The following OR8J1 variants were observed in gnomAD, a reference collection of about 807,000 sequenced individuals.
OR8J1 encodes olfactory receptor family 8 subfamily J member 1, also known as olfactory receptor 8J1.
For missense variants in OR8J1, 400 were observed against 373.0 expected (o/e 1.07, Z -0.60); for synonymous variants, 157 against 144.3 (o/e 1.09, Z -0.63).
At chr11:56,358,919 C>T (rs1008860832) in intron 1 of OR8J1, among the ~76,000 whole-genome samples, 3 of 152,152 alleles carry the variant, frequency 2.0e-5, no homozygotes, top group East Asian at 1.9e-4. Context: ...AAACTGAGAT[C>T]GGATATTAAC....
chr11:56,360,829 C>G lies in OR8J1; in HGVS notation c.583C>G (p.Pro195Ala), dbSNP rs140049854. The change falls in exon 2 of 2, where the codon CCA (proline) becomes GCA (alanine). Residue 195 changes from proline (P) to alanine (A), a missense_variant. By Grantham distance (27) the Pro-to-Ala change is conservative. Coordinates refer to ENST00000533152, the MANE Select transcript of OR8J1 (RefSeq NM_001005205.3). ...LALSCSDTYL[P>A]ETVVFISAAT... Reference sequence around the variant, plus strand: ...ATTATCTTGCTCTGATACTTACTTACCAGAAACAGTTGTCTTTATATCTGC... The same window carrying G: ...ATTATCTTGCTCTGATACTTACTTAGCAGAAACAGTTGTCTTTATATCTGC... The G allele has an allele frequency of 1.5e-4, 235 of 1,529,028 alleles. 1 individual carries two copies. The South Asian group carries it at 1.8e-3, about 12-fold the overall frequency. The allele number at this position is 1,529,028 out of a possible 1,614,324, so 94.7% of individuals were successfully genotyped here.
At chr11:56,357,823 C>A in intron 1 of OR8J1, 1 of 1,033,946 alleles carries the variant, frequency 9.7e-7, no homozygotes, top group South Asian at 1.3e-5. Flanking sequence ...AAGGAAGCTG[C>A]GGTTGGAGGC....
chr11:56,355,844 C>T (rs1026012919), intron 1 of OR8J1, among the ~76,000 whole-genome samples: 1 of 152,106 alleles, frequency 6.6e-6, no homozygotes, highest in African/African-American at 2.4e-5. Flanking sequence ...TGATGCTACC[C>T]TCATTTCTGG....
In OR8J1 at chr11:56,360,265, A is replaced by G; in HGVS notation, c.19A>G (p.Thr7Ala). 1 of 1,569,116 alleles carries G rather than the reference A, an allele frequency of 6.4e-7. No individual in the cohort carries two copies. Among genetic ancestry groups the G allele is most frequent in the Non-Finnish European group, 8.6e-7 (1 of 1,162,320 alleles). MAPENF[T>A]RVTEFILTGV... ...CTCTGACATGGCTCCTGAAAATTTC[A>G]CCAGAGTCACTGAGTTTATTCTTAC... Residue 7 changes from threonine to alanine, a missense_variant, in exon 2 of 2, where the codon ACC becomes GCC. Coordinates refer to ENST00000533152, the MANE Select transcript of OR8J1 (RefSeq NM_001005205.3).
chr11:56,360,221 A>G lies in OR8J1; in HGVS notation c.-20-6A>G, dbSNP rs957051240. ...AAGTTTTTAACCTCTCTTTTCCCCC[A>G]AACAGATGAATTTCCAAACTCTGAC... On this transcript the variant is annotated splice_region_variant and splice_polypyrimidine_tract_variant and intron_variant, in intron 1 of 1. Transcript: ENST00000533152. 6.5e-7 allele frequency: 1 copy of G among 1,532,792 alleles called. No individual in the cohort carries two copies. Among genetic ancestry groups the G allele is most frequent in the Non-Finnish European group, 8.8e-7 (1 of 1,140,762 alleles). The allele number at this position is 1,532,792 out of a possible 1,614,324, so 94.9% of individuals were successfully genotyped here.
intron 1 of OR8J1, among the ~76,000 whole-genome samples, chr11:56,354,667 G>A (rs1468934506): frequency 6.6e-6 from 1 of 152,086 alleles, no homozygotes; most frequent in Non-Finnish European, 1.5e-5. Flanking sequence ...AATAAAAATT[G>A]TATATTGTAC....
At chr11:56,354,883 A>G (rs1011192398) in intron 1 of OR8J1, among the ~76,000 whole-genome samples, 39 of 152,204 alleles carry the variant, frequency 2.6e-4, no homozygotes, top group African/African-American at 8.7e-4. Flanking sequence ...ATCTTATCAT[A>G]AAATAAATCT....
chr11:56,360,847 A>G lies in OR8J1; in HGVS notation c.601A>G (p.Ile201Val). The stretch of plus-strand genomic sequence containing the variant: ...TTACTTACCAGAAACAGTTGTCTTT[A>G]TATCTGCAGCAACAAATGTGGTTGG... ...DTYLPETVVFISAATNVVGSL... is the reference protein window; with the variant it reads ...DTYLPETVVFVSAATNVVGSL... The change falls in exon 2 of 2, where the codon ATA (isoleucine) becomes GTA (valine). Residue 201 changes from isoleucine (I) to valine (V), a missense_variant. Ile to Val is a conservative substitution (Grantham distance 29). Coordinates refer to ENST00000533152, the MANE Select transcript of OR8J1 (RefSeq NM_001005205.3). The G allele has an allele frequency of 6.6e-7, 1 of 1,514,974 alleles. No homozygotes were observed. 93.8% of individuals were successfully genotyped at this position (1,514,974 alleles called of 1,614,324 possible). A position where few individuals can be genotyped will look rare whatever the true frequency, so the allele number is the denominator to read the frequency against.
At chr11:56,357,953 G>T in intron 1 of OR8J1, 6 of 881,432 alleles carry the variant, frequency 6.8e-6, no homozygotes, top group Admixed American at 3.7e-5. Flanking sequence ...AGTTGCTAGC[G>T]CTACTTAATG....
At chr11:56,358,483 T>C (rs931192039) in intron 1 of OR8J1, among the ~76,000 whole-genome samples, 2 of 152,190 alleles carry the variant, frequency 1.3e-5, no homozygotes, top group African/African-American at 2.4e-5. Flanking sequence ...TATGATTCAT[T>C]AAACATCTGG....
intron 1 of OR8J1, among the ~76,000 whole-genome samples, chr11:56,359,646 T>C (rs1189539541): frequency 6.6e-6 from 1 of 151,994 alleles, no homozygotes; most frequent in Non-Finnish European, 1.5e-5. Context: ...GAAAAATAAA[T>C]GTGAGGGCAT....
intron 1 of OR8J1, 137 bp from the exon 2 acceptor site, chr11:56,360,090 T>A (rs896531101): frequency 7.5e-6 from 4 of 532,464 alleles, no homozygotes; most frequent in Admixed American, 3.7e-5. Flanking sequence ...TTATTAGACC[T>A]AGAAGCTTGA....
Position 56,361,500 on chromosome 11 carries a change from A to G in OR8J1, c.*303A>G. ...AAAAAAAATTAAAAAAAGTTAAATA[A>G]GTTTGAATGAGGCAAAATATTACGA... On this transcript the variant is annotated 3_prime_UTR_variant, in exon 2 of 2. Coordinates refer to ENST00000533152, the MANE Select transcript of OR8J1 (RefSeq NM_001005205.3). 1 of 255,378 alleles carries G rather than the reference A, an allele frequency of 3.9e-6. No individual in the cohort carries two copies. Among genetic ancestry groups the G allele is most frequent in the Non-Finnish European group, 7.3e-6 (1 of 136,554 alleles). The allele number at this position is 255,378 out of a possible 1,614,324, so 15.8% of individuals were successfully genotyped here. A position where few individuals can be genotyped will look rare whatever the true frequency, so the allele number is the denominator to read the frequency against.
chr11:56,361,182 C>A lies in OR8J1; in HGVS notation c.936C>A (p.Ser312=). ...LQRFMTNLCY[S]FKTM is the part of the protein sequence containing the mutation. ...GATTCATGACAAATCTGTGCTATTC[C>A]TTTAAAACAATGTAATTTTAAACAG... Residue 312 remains serine (S), a synonymous_variant, in exon 2 of 2, where the codon TCC becomes TCA. Coordinates refer to ENST00000533152, the MANE Select transcript of OR8J1 (RefSeq NM_001005205.3). 7.5e-7 allele frequency: 1 copy of A among 1,329,006 alleles called. No individual in the cohort carries two copies. The highest frequency in any genetic ancestry group is 9.8e-7 in the Non-Finnish European group (1 of 1,023,872). 82.3% of individuals were successfully genotyped at this position (1,329,006 alleles called of 1,614,324 possible).
rs1451216231 is a variant in OR8J1, at chr11:56,361,071, T to A, written c.825T>A (p.Ala275=). The A allele has an allele frequency of 3.3e-6, 5 of 1,517,746 alleles. No homozygotes were observed. Among genetic ancestry groups the A allele is most frequent in the Admixed American group, 4.7e-5 (2 of 42,964 alleles). 94.0% of individuals were successfully genotyped at this position (1,517,746 alleles called of 1,614,324 possible). ...NHSLDTDDKM[A]SVFYTLVIPM... ...CACTGGATACTGATGATAAGATGGCTTCTGTGTTTTACACGTTGGTAATTC... is the reference window on the plus strand; with the variant it reads ...CACTGGATACTGATGATAAGATGGCATCTGTGTTTTACACGTTGGTAATTC... The change falls in exon 2 of 2, where the codon GCT becomes GCA. Residue 275 remains alanine (A), a synonymous_variant. Coordinates refer to ENST00000533152, the MANE Select transcript of OR8J1 (RefSeq NM_001005205.3).
In OR8J1 at chr11:56,361,399, A is replaced by G; in HGVS notation, c.*202A>G. 2.5e-6 allele frequency: 1 copy of G among 393,272 alleles called. No homozygotes were observed. Among genetic ancestry groups the G allele is most frequent in the Non-Finnish European group, 4.5e-6 (1 of 223,318 alleles). The allele number at this position is 393,272 out of a possible 1,614,324, so 24.4% of individuals were successfully genotyped here. On this transcript the variant is annotated 3_prime_UTR_variant, in exon 2 of 2. Transcript: ENST00000533152. ...AGTTGTGAGGTTAAGTTAGAAAAAAAAAATGTTATTTACCAATTCTGCCTG... is the reference window on the plus strand; with the variant it reads ...AGTTGTGAGGTTAAGTTAGAAAAAAGAAATGTTATTTACCAATTCTGCCTG...
Position 56,360,658 on chromosome 11 carries a change from C to T in OR8J1, c.412C>T (p.Arg138Trp), listed in dbSNP as rs773221666. The change falls in exon 2 of 2, where the codon CGG becomes TGG. Residue 138 changes from arginine (R) to tryptophan (W), a missense_variant. Physicochemically the swap from Arg to Trp is moderately radical, Grantham distance 101. Transcript: ENST00000533152. ...NPLLYMVVVS[R>W]RLCLLLVSLT... ...TCTGCTGTACATGGTGGTGGTGTCT[C>T]GGCGGCTCTGCCTCCTGCTGGTCTC... is the stretch of plus-strand genomic sequence containing the variant. 9.9e-6 allele frequency: 16 copies of T among 1,611,244 alleles called. No individual in the cohort carries two copies. Among genetic ancestry groups the T allele is most frequent in the Middle Eastern group, 1.7e-4 (1 of 6,036 alleles).
In OR8J1 at chr11:56,360,499, T is replaced by A. The variant is rs778436975; in HGVS notation, c.253T>A (p.Phe85Ile). 2.3e-5 allele frequency: 37 copies of A among 1,614,048 alleles called. No individual in the cohort carries two copies. Among genetic ancestry groups the A allele is most frequent in the Admixed American group, 3.3e-5 (2 of 59,996 alleles). ...CATTGCCCCTAAAATGCTGATTAAC[T>A]TTTTAGTAAAGAAGAAAACTACCTC... ...TVIAPKMLIN[F>I]LVKKKTTSFY... Residue 85 changes from phenylalanine to isoleucine, a missense_variant, in exon 2 of 2, where the codon TTT becomes ATT. Transcript: ENST00000533152.
At chr11:56,357,903 G>A in intron 1 of OR8J1, 2 of 850,310 alleles carry the variant, frequency 2.4e-6, no homozygotes, top group East Asian at 2.4e-5. Flanking sequence ...TAATGCAGAA[G>A]TACACCGGAA....
Sources: gnomAD v4.1 joint callset for allele counts (sites outside exome capture counted in the v4.1 genomes callset) on GRCh38, gnomAD v4.1.1 for gene constraint, MANE v1.5 for transcripts, NCBI Gene and HGNC (gene_info 2026-07-23, HGNC 2026-07-21) for gene names.